CADM2: variants seen among roughly 807,000 people sequenced by gnomAD.
CADM2 encodes the protein immunoglobulin superfamily member 4D.
A neutral mutation model predicts 49.8 loss-of-function variants in CADM2; 12 were observed. The observed-to-expected ratio is 0.24, with a 90% CI of 0.15 to 0.39. The LOEUF (loss-of-function observed/expected upper bound fraction) is 0.39, where lower values mean the gene tolerates loss of function less well. Among genes scored for constraint, CADM2 ranks in the 10% least tolerant of loss-of-function variants. The pLI is 1.00. For synonymous variants in CADM2, 214 were observed against 175.4 expected (o/e 1.22, Z -1.74); for missense variants, 378 against 492.3 (o/e 0.77, Z 2.20).
At chr3:85,821,100 AT>A (rs1480025614) in intron 3 of CADM2, among the ~76,000 whole-genome samples, 1 of 152,110 alleles carries the variant, frequency 6.6e-6, no homozygotes, top group East Asian at 1.9e-4. Flanking sequence ...CCAGAAAAAA[AT>A]AATTCTATTG....
chr3:85,597,002 C>T (rs574668914), intron 1 of CADM2, among the ~76,000 whole-genome samples: 5 of 152,156 alleles, frequency 3.3e-5, no homozygotes, highest in African/African-American at 9.6e-5. Flanking sequence ...CAGGTGTGAG[C>T]CATGGCAGCC....
At chr3:84,982,738 T>TATATACG (rs58154654) in intron 1 of CADM2, among the ~76,000 whole-genome samples, 1 of 121,664 alleles carries the variant, frequency 8.2e-6, no homozygotes, top group Non-Finnish European at 1.7e-5. Context: ...TATATATACA[T>TATATACG]TTTTTGTTTT....
intron 1 of CADM2, among the ~76,000 whole-genome samples, chr3:85,089,717 T>C (rs549103697): frequency 6.6e-6 from 1 of 152,172 alleles, no homozygotes; most frequent in African/African-American, 2.4e-5. Flanking sequence ...TTCCAGACTT[T>C]CTGTACGAAA....
intron 5 of CADM2, among the ~76,000 whole-genome samples, chr3:85,891,567 C>T (rs1473648227): frequency 6.6e-6 from 1 of 152,082 alleles, no homozygotes; most frequent in Admixed American, 6.5e-5. Context: ...GGGTGATTAT[C>T]AAGGATGGGC....
At chr3:85,299,413 T>C (rs1207527004) in intron 1 of CADM2, among the ~76,000 whole-genome samples, 4 of 152,104 alleles carry the variant, frequency 2.6e-5, no homozygotes, top group African/African-American at 9.7e-5. Flanking sequence ...TAAAAAGGAT[T>C]CCAAAATAGA....
At chr3:86,042,217 A>G (rs1736034658) in intron 8 of CADM2, among the ~76,000 whole-genome samples, 2 of 152,202 alleles carry the variant, frequency 1.3e-5, no homozygotes, top group Admixed American at 1.3e-4. Flanking sequence ...AAGGCAATAA[A>G]TAACTAAGAT....
intron 1 of CADM2, among the ~76,000 whole-genome samples, chr3:85,271,312 G>A (rs377755129): frequency 6.6e-6 from 1 of 151,234 alleles, no homozygotes; most frequent in Non-Finnish European, 1.5e-5. Context: ...TGAGTTTACT[G>A]TACTCATCAA....
chr3:85,773,181 T>C (rs993134818), intron 2 of CADM2, among the ~76,000 whole-genome samples: 23 of 151,906 alleles, frequency 1.5e-4, no homozygotes, highest in African/African-American at 4.6e-4. Context: ...AAAAGACCTG[T>C]CAAAATGTCA....
chr3:85,617,603 A>G (rs1298882442), intron 1 of CADM2, among the ~76,000 whole-genome samples: 1 of 152,146 alleles, frequency 6.6e-6, no homozygotes, highest in Non-Finnish European at 1.5e-5. Flanking sequence ...GTTGTTGATC[A>G]GCTTAATCTT....
At chr3:85,216,531 T>C (rs886176521) in intron 1 of CADM2, among the ~76,000 whole-genome samples, 1 of 151,836 alleles carries the variant, frequency 6.6e-6, no homozygotes, top group African/African-American at 2.4e-5. Flanking sequence ...ACAGAAGACA[T>C]GCCCAGAAAG....
At chr3:85,682,800 G>C (rs1311925144) in intron 1 of CADM2, among the ~76,000 whole-genome samples, 1 of 151,934 alleles carries the variant, frequency 6.6e-6, no homozygotes, top group Admixed American at 6.6e-5. Flanking sequence ...AAGTCATTTT[G>C]CATGTTTTTC....
intron 1 of CADM2, among the ~76,000 whole-genome samples, chr3:85,084,640 T>C (rs2037302643): frequency 6.6e-6 from 1 of 152,184 alleles, no homozygotes; most frequent in Admixed American, 6.6e-5. Context: ...ATAAGCTGGG[T>C]TAAATAAAAT....
chr3:84,969,349 A>T (rs990931726), intron 1 of CADM2, among the ~76,000 whole-genome samples: 2 of 152,000 alleles, frequency 1.3e-5, no homozygotes, highest in African/African-American at 4.8e-5. Flanking sequence ...GTTTTAGTAG[A>T]CAAAAGAATG....
chr3:85,544,603 AAG>A (rs1314289877), intron 1 of CADM2, among the ~76,000 whole-genome samples: 1 of 152,158 alleles, frequency 6.6e-6, no homozygotes, highest in Admixed American at 6.5e-5. Context: ...AAATAAAAAA[AAG>A]AGGAAAACAT....
At chr3:85,984,478 A>G (rs535748260) in intron 8 of CADM2, among the ~76,000 whole-genome samples, 2 of 151,770 alleles carry the variant, frequency 1.3e-5, no homozygotes, top group African/African-American at 2.4e-5. Flanking sequence ...AAACATAGTT[A>G]TATATTTAAG....
intron 1 of CADM2, among the ~76,000 whole-genome samples, chr3:84,991,395 G>A (rs1182381338): frequency 6.6e-6 from 1 of 152,136 alleles, no homozygotes; most frequent in Non-Finnish European, 1.5e-5. Flanking sequence ...AAGTGAATTT[G>A]TAGTGTTTGT....
At chr3:85,030,021 A>C (rs906317679) in intron 1 of CADM2, among the ~76,000 whole-genome samples, 3 of 152,178 alleles carry the variant, frequency 2.0e-5, no homozygotes, top group Non-Finnish European at 4.4e-5. Flanking sequence ...TAACTCTCAC[A>C]GATTTGTTTT....
At chr3:85,432,393 G>T (rs376537093) in intron 1 of CADM2, among the ~76,000 whole-genome samples, 2 of 151,966 alleles carry the variant, frequency 1.3e-5, no homozygotes, top group African/African-American at 4.8e-5. Flanking sequence ...TTTGGAAAAG[G>T]TTCAAGAATT....
At chr3:85,987,705 A>T (rs940779957) in intron 8 of CADM2, among the ~76,000 whole-genome samples, 18 of 146,626 alleles carry the variant, frequency 1.2e-4, no homozygotes, top group Non-Finnish European at 2.6e-4. Flanking sequence ...AATAAAAATA[A>T]TATATAAATA....
Sources: allele counts gnomAD v4.1 joint callset (sites outside exome capture counted in the v4.1 genomes callset), GRCh38; gene constraint gnomAD v4.1.1; transcripts MANE v1.5; gene names NCBI Gene and HGNC (gene_info 2026-07-23, HGNC 2026-07-21).